CEP112: variants seen among roughly 807,000 people sequenced by gnomAD.
The protein encoded by CEP112 is centrosomal protein 112.
In CEP112, 127 loss-of-function variants were observed where a neutral mutation model predicts 153.0. The observed-to-expected ratio is 0.83, with a 90% CI of 0.72 to 0.96. The LOEUF is 0.96. Ranked by LOEUF, CEP112 falls within the 40% of genes least tolerant of loss-of-function variation. The pLI is 0.00. For missense variants in CEP112, 1,089 were observed against 1,101.2 expected, an observed-to-expected ratio of 0.99 and a Z score of 0.16; for synonymous variants, 358 against 374.4, an observed-to-expected ratio of 0.96 and a Z score of 0.51.
chr17:65,772,907 G>C (rs79085876), intron 21 of CEP112, among the ~76,000 whole-genome samples: 1 of 152,178 alleles, frequency 6.6e-6, no homozygotes, highest in East Asian at 1.9e-4. Flanking sequence ...TAATGATGAT[G>C]ATGATGACAA....
intron 20 of CEP112, among the ~76,000 whole-genome samples, chr17:65,890,606 C>T (rs1398726987): frequency 1.3e-5 from 2 of 152,122 alleles, no homozygotes; most frequent in Non-Finnish European, 1.5e-5. Flanking sequence ...CAGAATATAA[C>T]CTTCTATTTC....
At chr17:65,676,225 G>A (rs1306187069) in intron 24 of CEP112, among the ~76,000 whole-genome samples, 1 of 151,936 alleles carries the variant, frequency 6.6e-6, no homozygotes, top group Non-Finnish European at 1.5e-5. Flanking sequence ...CTACTTGGGA[G>A]GCTGAGGCAG....
At chr17:66,015,382 AGTAT>A (rs2064725257) in intron 16 of CEP112, among the ~76,000 whole-genome samples, 1 of 122,468 alleles carries the variant, frequency 8.2e-6, no homozygotes, top group Non-Finnish European at 1.8e-5. Flanking sequence ...TTCGTTCTTG[AGTAT>A]TTTTTTTGTT....
At chr17:65,833,549 T>C (rs923247888) in intron 21 of CEP112, among the ~76,000 whole-genome samples, 1 of 152,132 alleles carries the variant, frequency 6.6e-6, no homozygotes, top group African/African-American at 2.4e-5. Context: ...AGTATTCCTG[T>C]ACACCAACAA....
intron 6 of CEP112, among the ~76,000 whole-genome samples, chr17:66,116,909 C>T (rs2069324746): frequency 6.8e-6 from 1 of 147,734 alleles, no homozygotes; most frequent in African/African-American, 2.5e-5. Flanking sequence ...GCTCTGTTGC[C>T]AGGCTGGGAA....
intron 17 of CEP112, among the ~76,000 whole-genome samples, chr17:66,003,199 C>A (rs745568891): frequency 6.6e-6 from 1 of 152,164 alleles, no homozygotes; most frequent in Admixed American, 6.5e-5. Context: ...GATAAATAAT[C>A]TACAGAAGAA....
intron 20 of CEP112, among the ~76,000 whole-genome samples, chr17:65,884,769 G>A (rs943322278): frequency 3.5e-5 from 5 of 144,874 alleles, no homozygotes; most frequent in African/African-American, 1.0e-4. Flanking sequence ...CCAGGCTGGA[G>A]TGCAAGGGCG....
At chr17:65,947,264 T>C (rs1354096688) in intron 18 of CEP112, among the ~76,000 whole-genome samples, 1 of 152,084 alleles carries the variant, frequency 6.6e-6, no homozygotes, top group Non-Finnish European at 1.5e-5. Context: ...TACACCTTTA[T>C]GCATTGGTCT....
chr17:65,985,887 G>A (rs1383985893), intron 17 of CEP112, among the ~76,000 whole-genome samples: 5 of 151,562 alleles, frequency 3.3e-5, no homozygotes, highest in Non-Finnish European at 7.4e-5. Flanking sequence ...CAAAGTAATG[G>A]AAAGGTCAGT....
At chr17:66,000,891 G>C (rs1314097099) in intron 17 of CEP112, among the ~76,000 whole-genome samples, 2 of 152,238 alleles carry the variant, frequency 1.3e-5, no homozygotes, top group Non-Finnish European at 2.9e-5. Context: ...CCATGCTGAT[G>C]ATGCAGCTAT....
chr17:65,970,852 T>A (rs1220628390), intron 17 of CEP112, among the ~76,000 whole-genome samples: 2 of 152,266 alleles, frequency 1.3e-5, no homozygotes, highest in African/African-American at 4.8e-5. Flanking sequence ...GCATATGTCA[T>A]GTATATCTGC....
chr17:65,717,220 T>C (rs1363768252), intron 23 of CEP112, among the ~76,000 whole-genome samples: 1 of 152,234 alleles, frequency 6.6e-6, no homozygotes, highest in Non-Finnish European at 1.5e-5. Flanking sequence ...AAGTCTTTGC[T>C]ATGAATTTAA....
rs542000736 is a variant in CEP112 at position 66,100,699 on chromosome 17, C to T, written c.643-4067G>A. On this transcript the variant is annotated intron_variant, in intron 6 of 26. Coordinates refer to ENST00000535342, the MANE Select transcript of CEP112 (RefSeq NM_001199165.4). ...TCATATTAAATACTCTCACTCTTTA[C>T]CTTGGAAAACTGACCTAAGACCATC... is the stretch of plus-strand genomic sequence containing the variant. Among the ~76,000 whole-genome samples, 3 of 152,044 alleles carry T rather than the reference C, an allele frequency of 2.0e-5. No homozygotes were observed. In the South Asian group the frequency reaches 6.2e-4, roughly 32 times the overall value.
intron 8 of CEP112, among the ~76,000 whole-genome samples, chr17:66,077,161 A>C (rs1377899954): frequency 6.6e-6 from 1 of 152,156 alleles, no homozygotes. Context: ...CCATCAAAAA[A>C]ATCACACTAG....
chr17:66,168,431 A>ATATATATGTGTG (rs2072079663), intron 4 of CEP112, among the ~76,000 whole-genome samples: 1 of 148,258 alleles, frequency 6.7e-6, no homozygotes, highest in Non-Finnish European at 1.5e-5. Context: ...GTGTATATAT[A>ATATATATGTGTG]TGTATATATA....
intron 4 of CEP112, among the ~76,000 whole-genome samples, chr17:66,142,209 T>C (rs1038132009): frequency 2.0e-5 from 3 of 152,166 alleles, no homozygotes; most frequent in African/African-American, 7.2e-5. Flanking sequence ...TAAAATTGGG[T>C]TGTTTTGGGG....
chr17:66,049,179 C>A (rs2066338234), intron 12 of CEP112, among the ~76,000 whole-genome samples: 1 of 152,138 alleles, frequency 6.6e-6, no homozygotes, highest in Non-Finnish European at 1.5e-5. Flanking sequence ...CTTGAACAGA[C>A]TCTAATTGAC....
At chr17:65,765,422 T>C (rs1035697709) in intron 21 of CEP112, among the ~76,000 whole-genome samples, 1 of 152,120 alleles carries the variant, frequency 6.6e-6, no homozygotes, top group African/African-American at 2.4e-5. Context: ...CAAAGTGCTC[T>C]GGTGTATTTC....
chr17:65,865,341 CAAG>C (rs149304084), intron 20 of CEP112, among the ~76,000 whole-genome samples: 8,282 of 152,212 alleles, frequency 0.054, 303 homozygotes, highest in South Asian at 0.12. Flanking sequence ...TGCGCCCAGC[CAAG>C]AAGGACTGTT....
Sources: gnomAD v4.1 joint callset for allele counts (sites outside exome capture counted in the v4.1 genomes callset) on GRCh38, gnomAD v4.1.1 for gene constraint, MANE v1.5 for transcripts, NCBI Gene and HGNC (gene_info 2026-07-23, HGNC 2026-07-21) for gene names.